The following KDM1A variants were observed in gnomAD, a reference collection of about 807,000 sequenced individuals.
The protein encoded by KDM1A is lysine demethylase 1A, also known as lysine-specific histone demethylase 1A.
A neutral mutation model predicts 109.4 loss-of-function variants in KDM1A; 49 were observed. That is an observed-to-expected ratio of 0.45 (90% CI 0.36 to 0.57). KDM1A has a LOEUF of 0.57. Ranked by LOEUF, KDM1A falls within the 20% of genes least tolerant of loss-of-function variation. KDM1A has a pLI of 0.00. For synonymous variants in KDM1A, 380 were observed against 415.4 expected (o/e 0.91, Z 1.04); for missense variants, 668 against 1,116.6 (o/e 0.60, Z 5.73).
At chr1:23,074,613 A>G (rs995121529) in intron 15 of KDM1A, among the ~76,000 whole-genome samples, 14 of 152,122 alleles carry the variant, frequency 9.2e-5, no homozygotes, top group Non-Finnish European at 1.3e-4. Context: ...TTCTATCTTG[A>G]AAAGAATCTT....
At chr1:23,035,665 TA>T (rs1309026314) in intron 2 of KDM1A, among the ~76,000 whole-genome samples, 25 of 152,132 alleles carry the variant, frequency 1.6e-4, no homozygotes, top group Non-Finnish European at 1.5e-5. Context: ...CCTGAATTAG[TA>T]AAAATACTAA....
At chr1:23,067,660 T>C (rs1263058434) in intron 10 of KDM1A, among the ~76,000 whole-genome samples, 3 of 152,258 alleles carry the variant, frequency 2.0e-5, no homozygotes, top group African/African-American at 7.2e-5. Flanking sequence ...GCCCAGCTTA[T>C]AACAAGTAAT....
intron 16 of KDM1A, among the ~76,000 whole-genome samples, chr1:23,078,728 G>A (rs562370824): frequency 6.6e-6 from 1 of 152,340 alleles, no homozygotes; most frequent in African/African-American, 2.4e-5. Flanking sequence ...GATCACCAGT[G>A]TATCAGGAGG....
intron 2 of KDM1A, among the ~76,000 whole-genome samples, chr1:23,040,226 C>T (rs1642266776): frequency 6.6e-6 from 1 of 152,176 alleles, no homozygotes; most frequent in Non-Finnish European, 1.5e-5. Flanking sequence ...AAACAACCAA[C>T]CAGTGATTTT....
At chr1:23,064,150 C>T (rs1398462014) in intron 9 of KDM1A, among the ~76,000 whole-genome samples, 7 of 152,202 alleles carry the variant, frequency 4.6e-5, no homozygotes, top group Non-Finnish European at 7.3e-5. Context: ...CAGCCTCCCA[C>T]AGTGCTGGGA....
At chr1:23,021,702 G>T (rs1641636071) in intron 1 of KDM1A, among the ~76,000 whole-genome samples, 1 of 152,116 alleles carries the variant, frequency 6.6e-6, no homozygotes. Context: ...GATAATGCAT[G>T]TATAATAATA....
intron 7 of KDM1A, among the ~76,000 whole-genome samples, chr1:23,056,900 C>T (rs1393317352): frequency 3.3e-5 from 5 of 151,560 alleles, no homozygotes; most frequent in Non-Finnish European, 7.4e-5. Flanking sequence ...GAAAATCCCT[C>T]GTCAGCAGTG....
chr1:23,060,588 A>G (rs189087987), intron 9 of KDM1A, among the ~76,000 whole-genome samples: 29 of 152,342 alleles, frequency 1.9e-4, no homozygotes, highest in Non-Finnish European at 3.2e-4. Flanking sequence ...TCTGGAGGGA[A>G]GGAGAGCATT....
chr1:23,071,537 C>G (rs1050415928), intron 13 of KDM1A, among the ~76,000 whole-genome samples, 178 bp downstream of exon 13: 1 of 152,220 alleles, frequency 6.6e-6, no homozygotes, highest in Non-Finnish European at 1.5e-5. Flanking sequence ...TTAAGACCTG[C>G]TTGTCCTGCA....
rs1643683500 is a variant in KDM1A, at chr1:23,083,547, G to A, written c.*183G>A. On this transcript the variant is annotated 3_prime_UTR_variant, in exon 21 of 21. Coordinates refer to ENST00000400181, the MANE Select transcript of KDM1A (RefSeq NM_001009999.3). ...TTTGAATGACCTAGAGCACAGGGAG[G>A]AACTTGTCCATTAGTTTGGAATTGT... 2.0e-6 allele frequency: 1 copy of A among 497,602 alleles called. No homozygotes were observed. The highest frequency in any genetic ancestry group is 4.4e-5 in the South Asian group (1 of 22,650). The allele number at this position is 497,602 out of a possible 1,614,324, so 30.8% of individuals were successfully genotyped here. A position where few individuals can be genotyped will look rare whatever the true frequency, so the allele number is the denominator to read the frequency against.
At chr1:23,077,649 C>G (rs1387675381) in intron 16 of KDM1A, among the ~76,000 whole-genome samples, 2 of 152,148 alleles carry the variant, frequency 1.3e-5, no homozygotes, top group African/African-American at 4.8e-5. Flanking sequence ...TCTAATGCCC[C>G]AGTGAGCATT....
intron 7 of KDM1A, among the ~76,000 whole-genome samples, chr1:23,056,477 A>G (rs1352531069): frequency 1.3e-5 from 2 of 152,092 alleles, no homozygotes; most frequent in Non-Finnish European, 2.9e-5. Flanking sequence ...AGAGAAATGG[A>G]AACAGGAGGA....
At chr1:23,078,215 C>G (rs1196306565) in intron 16 of KDM1A, among the ~76,000 whole-genome samples, 1 of 152,184 alleles carries the variant, frequency 6.6e-6, no homozygotes, top group African/African-American at 2.4e-5. Flanking sequence ...CCATCAGAGG[C>G]AGCTTGTAGT....
At chr1:23,066,177 A>G (rs970844636) in intron 10 of KDM1A, 106 bp downstream of exon 10, 10 of 783,180 alleles carry the variant, frequency 1.3e-5, no homozygotes, top group Admixed American at 6.8e-5. Context: ...TCCATCATAC[A>G]TTCACACTGG....
At chr1:23,072,345 T>C in intron 14 of KDM1A, 148 bp downstream of exon 14, 2 of 648,562 alleles carry the variant, frequency 3.1e-6, no homozygotes, top group Non-Finnish European at 5.5e-6. Context: ...GTGACTACTT[T>C]TGAGGTTTCT....
intron 15 of KDM1A, among the ~76,000 whole-genome samples, chr1:23,074,717 T>A (rs1220927988): frequency 2.6e-5 from 4 of 152,242 alleles, no homozygotes; most frequent in Admixed American, 1.3e-4. Flanking sequence ...CTCCATTTTG[T>A]GTTAATTTTT....
At chr1:23,082,049 T>C in intron 19 of KDM1A, 171 bp from the exon 20 acceptor site, 1 of 585,224 alleles carries the variant, frequency 1.7e-6, no homozygotes. Flanking sequence ...TCTGAAGTCC[T>C]TTTGTCCATG....
intron 2 of KDM1A, among the ~76,000 whole-genome samples, chr1:23,039,460 G>A (rs1557522586): frequency 6.6e-6 from 1 of 152,106 alleles, no homozygotes; most frequent in Admixed American, 6.6e-5. Context: ...CTCGTACAAA[G>A]TGGCCAGATT....
intron 1 of KDM1A, among the ~76,000 whole-genome samples, chr1:23,024,829 G>C (rs756350778): frequency 1.3e-5 from 2 of 152,144 alleles, no homozygotes; most frequent in Non-Finnish European, 2.9e-5. Context: ...GTAAAGTTTA[G>C]ATATAATATA....
Sources: allele counts gnomAD v4.1 joint callset (sites outside exome capture counted in the v4.1 genomes callset), GRCh38; gene constraint gnomAD v4.1.1; transcripts MANE v1.5; gene names NCBI Gene and HGNC (gene_info 2026-07-23, HGNC 2026-07-21).